The following CTNNA3 variants were observed in gnomAD, a reference collection of about 807,000 sequenced individuals.
The protein encoded by CTNNA3 is catenin alpha 3.
CTNNA3 carries 76 observed loss-of-function variants against 95.7 expected under a neutral mutation model. The observed-to-expected ratio is 0.79, with a 90% confidence interval of 0.66 to 0.96. The LOEUF is 0.96. Among genes scored for constraint, CTNNA3 ranks in the 40% least tolerant of loss-of-function variants. The pLI is 0.00. For synonymous variants in CTNNA3, 431 were observed against 374.4 expected (o/e 1.15, Z -1.74); for missense variants, 1,191 against 1,089.8 (o/e 1.09, Z -1.31).
chr10:67,037,539 A>C (rs1854137495), intron 7 of CTNNA3, among the ~76,000 whole-genome samples: 1 of 152,168 alleles, frequency 6.6e-6, no homozygotes, highest in South Asian at 2.1e-4. Context: ...TCTGCATTTC[A>C]GGTAGATTCA....
chr10:67,756,130 G>T (rs1416534456), intron 1 of CTNNA3, among the ~76,000 whole-genome samples: 1 of 152,140 alleles, frequency 6.6e-6, no homozygotes, highest in East Asian at 1.9e-4. Context: ...TGAAGATAGA[G>T]AGTAGACTGG....
intron 7 of CTNNA3, among the ~76,000 whole-genome samples, chr10:67,140,587 AAAAC>A (rs1220423326): frequency 2.0e-5 from 3 of 152,238 alleles, no homozygotes; most frequent in Admixed American, 1.3e-4. Context: ...AGTTGGAAGA[AAAAC>A]AAGTATAATT....
At chr10:66,998,525 A>C (rs891005245) in intron 7 of CTNNA3, among the ~76,000 whole-genome samples, 1 of 152,164 alleles carries the variant, frequency 6.6e-6, no homozygotes, top group African/African-American at 2.4e-5. Flanking sequence ...ATACAATGAC[A>C]CAGAAAAGTT....
chr10:67,113,996 T>A (rs1323427446), intron 7 of CTNNA3, among the ~76,000 whole-genome samples: 3 of 151,714 alleles, frequency 2.0e-5, no homozygotes, highest in African/African-American at 7.3e-5. Flanking sequence ...GGTGAGAGGA[T>A]CACTGGAGCC....
intron 7 of CTNNA3, among the ~76,000 whole-genome samples, chr10:67,001,019 T>C (rs1202969099): frequency 6.6e-6 from 1 of 151,980 alleles, no homozygotes; most frequent in South Asian, 2.1e-4. Context: ...AAAAATTAAA[T>C]AGGCCAGGTG....
At chr10:65,992,794 G>C (rs908330107) in intron 15 of CTNNA3, among the ~76,000 whole-genome samples, 10 of 151,862 alleles carry the variant, frequency 6.6e-5, no homozygotes, top group African/African-American at 2.4e-4. Context: ...GATTTAGCTT[G>C]TTCTTGCTTT....
chr10:67,583,911 A>G (rs1440499300), intron 3 of CTNNA3, among the ~76,000 whole-genome samples: 1 of 152,084 alleles, frequency 6.6e-6, no homozygotes, highest in Non-Finnish European at 1.5e-5. Flanking sequence ...CAGCTCTATC[A>G]GGTCATTTAA....
intron 11 of CTNNA3, among the ~76,000 whole-genome samples, chr10:66,435,961 C>A (rs1432581827): frequency 6.6e-6 from 1 of 152,140 alleles, no homozygotes; most frequent in Non-Finnish European, 1.5e-5. Context: ...GCAGGTTGTT[C>A]AGTTTCCATG....
chr10:67,441,254 T>A (rs1589292728), intron 5 of CTNNA3, among the ~76,000 whole-genome samples: 2 of 139,278 alleles, frequency 1.4e-5, no homozygotes, highest in African/African-American at 2.8e-5. Flanking sequence ...AAATATACAG[T>A]GAGAGAAGAC....
At chr10:66,375,762 C>T (rs2092792314) in intron 12 of CTNNA3, among the ~76,000 whole-genome samples, 1 of 152,082 alleles carries the variant, frequency 6.6e-6, no homozygotes, top group African/African-American at 2.4e-5. Context: ...CTGGAGTAAA[C>T]AATTTACAAC....
intron 9 of CTNNA3, among the ~76,000 whole-genome samples, chr10:66,698,847 G>T (rs370872912): frequency 1.3e-5 from 2 of 152,120 alleles, no homozygotes; most frequent in Non-Finnish European, 1.5e-5. Context: ...AACTCATCAA[G>T]ATTTATGCTT....
At chr10:66,288,157 G>A (rs144512181) in intron 12 of CTNNA3, among the ~76,000 whole-genome samples, 17 of 151,998 alleles carry the variant, frequency 1.1e-4, no homozygotes, top group African/African-American at 3.6e-4. Flanking sequence ...CAAGAATGAA[G>A]GAGAAATAAG....
At chr10:66,682,068 C>T (rs1847085301) in intron 9 of CTNNA3, among the ~76,000 whole-genome samples, 1 of 152,150 alleles carries the variant, frequency 6.6e-6, no homozygotes, top group Non-Finnish European at 1.5e-5. Context: ...GAGCCCAATC[C>T]CTAACTGTGC....
intron 14 of CTNNA3, among the ~76,000 whole-genome samples, chr10:66,082,973 C>T (rs1465133494): frequency 3.3e-5 from 5 of 152,114 alleles, no homozygotes; most frequent in Non-Finnish European, 5.9e-5. Context: ...CATCTCCCAA[C>T]ACGGTGCAGC....
At chr10:66,007,075 AC>A (rs1391028444) in intron 15 of CTNNA3, among the ~76,000 whole-genome samples, 2 of 152,092 alleles carry the variant, frequency 1.3e-5, no homozygotes, top group African/African-American at 4.8e-5. Flanking sequence ...ATTTTAGGAC[AC>A]CGTAAAGCTT....
At chr10:66,815,226 A>C (rs536104778) in intron 7 of CTNNA3, among the ~76,000 whole-genome samples, 2 of 152,336 alleles carry the variant, frequency 1.3e-5, no homozygotes, top group East Asian at 3.9e-4. Flanking sequence ...AAAGACTTGC[A>C]TCAAAATCTG....
chr10:66,193,627 CAGTAT>C (rs2131891300), intron 13 of CTNNA3, among the ~76,000 whole-genome samples: 1 of 152,232 alleles, frequency 6.6e-6, no homozygotes, highest in East Asian at 1.9e-4. Context: ...CAATATAGCA[CAGTAT>C]AGATGTGAAC....
At chr10:67,393,068 A>T (rs940585863) in intron 5 of CTNNA3, among the ~76,000 whole-genome samples, 6 of 152,040 alleles carry the variant, frequency 3.9e-5, no homozygotes, top group African/African-American at 1.4e-4. Flanking sequence ...ATAAAAAAAA[A>T]ATAAATAAAA....
chr10:67,625,916 G>A lies in CTNNA3; in HGVS notation c.100-18867C>T, dbSNP rs555173751. ...AATTAGTTTGAGGGTCAGGCACGGT[G>A]GCTTATGCCTGTAATCCCAGCACTT... On this transcript the variant is annotated intron_variant, in intron 2 of 17. Transcript: ENST00000433211. 5.0e-4 allele frequency among the ~76,000 whole-genome samples: 76 copies of A among 152,298 alleles called. 1 individual carries two copies. Among genetic ancestry groups the A allele is most frequent in the African/African-American group, 1.8e-3 (76 of 41,564 alleles).
Sources: allele counts gnomAD v4.1 joint callset (sites outside exome capture counted in the v4.1 genomes callset), GRCh38; gene constraint gnomAD v4.1.1; transcripts MANE v1.5; gene names NCBI Gene and HGNC (gene_info 2026-07-23, HGNC 2026-07-21).